Variants in VPS13C observed in about 807,000 individuals in gnomAD.
The protein encoded by VPS13C is intermembrane lipid transfer protein VPS13C.
In VPS13C, 358 loss-of-function variants were observed where a neutral mutation model predicts 456.8. The ratio of observed to expected loss-of-function variants is 0.78; its 90% CI spans 0.72 to 0.86. VPS13C has a LOEUF of 0.86. Among genes scored for constraint, VPS13C ranks in the 40% least tolerant of loss-of-function variants. The pLI is 0.00. For synonymous variants in VPS13C, 1,578 were observed against 1,486.7 expected (o/e 1.06, Z -1.41); for missense variants, 4,818 against 4,385.4 (o/e 1.10, Z -2.79).
At chr15:61,909,644 A>C (rs1439258466) in intron 64 of VPS13C, among the ~76,000 whole-genome samples, 1 of 152,226 alleles carries the variant, frequency 6.6e-6, no homozygotes, top group Non-Finnish European at 1.5e-5. Flanking sequence ...AAATATCTCA[A>C]AGCAAATTTT....
At chr15:62,048,789 C>T (rs1387847563) in intron 1 of VPS13C, among the ~76,000 whole-genome samples, 3,564 of 151,888 alleles carry the variant, frequency 0.023, 111 homozygotes, top group African/African-American at 0.074. Context: ...TTTTAATGAT[C>T]GCCATTCTAA....
Position 61,947,291 on chromosome 15 carries a change from T to C in VPS13C, c.4778A>G (p.Gln1593Arg), listed in dbSNP as rs148631131. 10 of 1,608,372 alleles carry C rather than the reference T, an allele frequency of 6.2e-6. No individual in the cohort carries two copies. The African/African-American group carries it at 6.7e-5, about 11-fold the overall frequency. ...GATCTTTAAATCAAACACATCCTTT[T>C]GGGAAATGTTGCTGGATACTAAAAA... Reference protein sequence around the residue: ...AVKAVSSNISQKDVFDLKITA... With the variant: ...AVKAVSSNISRKDVFDLKITA... Residue 1593 changes from glutamine to arginine, a missense_variant, in exon 43 of 85, where the codon CAA becomes CGA. Transcript: ENST00000644861.
At chr15:61,882,877 G>T in intron 68 of VPS13C, 141 bp from the exon 69 acceptor site, 1 of 815,514 alleles carries the variant, frequency 1.2e-6, no homozygotes, top group Non-Finnish European at 1.7e-6. Flanking sequence ...GTGATCTACA[G>T]TTGAGATCTC....
chr15:61,932,284 C>G (rs1285392535), intron 49 of VPS13C, among the ~76,000 whole-genome samples: 1 of 151,762 alleles, frequency 6.6e-6, no homozygotes, highest in African/African-American at 2.4e-5. Flanking sequence ...AGAAGACACT[C>G]CACATGAAGA....
intron 1 of VPS13C, among the ~76,000 whole-genome samples, chr15:62,053,589 G>A (rs2140794418): frequency 6.6e-6 from 1 of 152,320 alleles, no homozygotes; most frequent in East Asian, 1.9e-4. Context: ...TTCTTGCCTT[G>A]CTCAAATCAC....
chr15:61,897,923 C>T lies in VPS13C; in HGVS notation c.9106-7523G>A, dbSNP rs984240448. Among the ~76,000 whole-genome samples the T allele has an allele frequency of 2.0e-5, 3 of 152,070 alleles. No homozygotes were observed. In the East Asian group the frequency reaches 5.8e-4, roughly 29 times the overall value. ...GATCGCTCGGCAGAAACCATACAAG[C>T]CAGAAGAGAGTGGGGGCCAATATTC... On this transcript the variant is annotated intron_variant, in intron 66 of 84. Coordinates refer to ENST00000644861, the MANE Select transcript of VPS13C (RefSeq NM_020821.3).
Position 61,907,324 on chromosome 15 carries a change from A to G in VPS13C, c.9045T>C (p.Thr3015=). ...QARLFAWADP[T]GTRKLTWTYA... ...ATGTCCATGTAAGTTTTCTGGTACC[A>G]GTAGGATCTGCCCAGGCAAAAAGTC... Residue 3015 remains threonine (T), a synonymous_variant, in exon 66 of 85, where the codon ACT becomes ACC. Transcript: ENST00000644861. The G allele has an allele frequency of 4.3e-6, 7 of 1,614,052 alleles. No individual in the cohort carries two copies. Among genetic ancestry groups the G allele is most frequent in the Non-Finnish European group, 5.9e-6 (7 of 1,179,910 alleles).
At position 62,033,510 on chromosome 15, in the gene VPS13C, A is replaced by T. The variant is rs1290000637; in HGVS notation, c.316T>A (p.Ser106Thr). The change falls in exon 5 of 85, where the codon TCC (serine) becomes ACC (threonine). Residue 106 changes from serine to threonine, a missense_variant. Ser to Thr is a moderately conservative substitution (Grantham distance 58). Coordinates refer to ENST00000644861, the MANE Select transcript of VPS13C (RefSeq NM_020821.3). ...IKYDAVKEEK[S>T]LQDVKQKELS... ...TCTTTCTGTTTAACATCCTGCAAGG[A>T]TTTTTCTTCTTTTACAGCATCATAC... The T allele has an allele frequency of 6.2e-7, 1 of 1,606,728 alleles. No homozygotes were observed. Among genetic ancestry groups the T allele is most frequent in the Non-Finnish European group, 8.5e-7 (1 of 1,176,076 alleles).
intron 1 of VPS13C, among the ~76,000 whole-genome samples, chr15:62,057,718 G>A (rs1487821877): frequency 6.6e-6 from 1 of 152,058 alleles, no homozygotes; most frequent in African/African-American, 2.4e-5. Flanking sequence ...TGAGATGAAA[G>A]AAAGTCTCCT....
intron 50 of VPS13C, among the ~76,000 whole-genome samples, chr15:61,930,034 A>T (rs1047079601): frequency 1.3e-5 from 2 of 152,190 alleles, no homozygotes; most frequent in Non-Finnish European, 2.9e-5. Flanking sequence ...ATTATAATGC[A>T]ATACTAAAGA....
At chr15:62,041,110 T>C (rs902243842) in intron 3 of VPS13C, among the ~76,000 whole-genome samples, 8 of 152,190 alleles carry the variant, frequency 5.3e-5, no homozygotes, top group Admixed American at 5.2e-4. Flanking sequence ...GCAGTTCAAA[T>C]AGCCTTCCAT....
intron 5 of VPS13C, among the ~76,000 whole-genome samples, chr15:62,030,876 G>T (rs574661753): frequency 4.7e-4 from 72 of 152,212 alleles, no homozygotes; most frequent in Non-Finnish European, 7.9e-4. Context: ...GATGAAACAA[G>T]GGACTGCCAT....
Position 62,007,494 on chromosome 15 carries a change from T to G in VPS13C, c.1119-15A>C. The G allele has an allele frequency of 6.4e-7, 1 of 1,551,458 alleles. No individual in the cohort carries two copies. Among genetic ancestry groups the G allele is most frequent in the Non-Finnish European group, 8.7e-7 (1 of 1,150,948 alleles). On this transcript the variant is annotated splice_polypyrimidine_tract_variant and intron_variant, in intron 14 of 84. Transcript: ENST00000644861. Reference sequence around the variant, plus strand: ...CATATTTCCACCTGAAAATCAAATTTTGTTAACGTAAATGTTAATATAAAG... The same window carrying G: ...CATATTTCCACCTGAAAATCAAATTGTGTTAACGTAAATGTTAATATAAAG...
intron 69 of VPS13C, 43 bp downstream of exon 69, chr15:61,882,553 C>A (rs1156734006): frequency 1.4e-6 from 2 of 1,440,914 alleles, no homozygotes; most frequent in African/African-American, 1.5e-5. Context: ...TCCCAAGATT[C>A]CCAAAGTGAT....
intron 1 of VPS13C, among the ~76,000 whole-genome samples, chr15:62,055,443 G>C (rs1443924283): frequency 7.0e-6 from 1 of 143,684 alleles, no homozygotes; most frequent in African/African-American, 2.6e-5. Context: ...GGGTTTCACT[G>C]TGTTAGCCAG....
intron 48 of VPS13C, among the ~76,000 whole-genome samples, chr15:61,934,712 T>C (rs2044167577): frequency 6.6e-6 from 1 of 152,192 alleles, no homozygotes; most frequent in Admixed American, 6.5e-5. Flanking sequence ...ACAGATTTTC[T>C]GCTAGACTAA....
Position 61,940,325 on chromosome 15 carries a change from A to C in VPS13C, c.5601+322T>G, listed in dbSNP as rs2044376476. On this transcript the variant is annotated intron_variant, in intron 47 of 84. Transcript: ENST00000644861. ...TTTTTAGTACACTCCAACAGATTTT[A>C]TCTCAGACTCCTTGCTGGTTTTACC... is the stretch of plus-strand genomic sequence containing the variant. Among the ~76,000 whole-genome samples, 5 of 152,246 alleles carry C rather than the reference A, an allele frequency of 3.3e-5. 2 individuals carry two copies. The South Asian group carries it at 1.0e-3, about 31-fold the overall frequency.
At chr15:61,919,198 G>T in intron 58 of VPS13C, 91 bp downstream of exon 58, 1 of 1,265,118 alleles carries the variant, frequency 7.9e-7, no homozygotes, top group Non-Finnish European at 1.1e-6. Context: ...GAATTGACCT[G>T]ATGAAGTTTT....
At chr15:61,894,827 C>A (rs1338881227) in intron 66 of VPS13C, among the ~76,000 whole-genome samples, 1 of 152,126 alleles carries the variant, frequency 6.6e-6, no homozygotes, top group African/African-American at 2.4e-5. Flanking sequence ...ATAGAGAGAT[C>A]ATCCAGACAG....
Sources: allele counts gnomAD v4.1 joint callset (sites outside exome capture counted in the v4.1 genomes callset), GRCh38; gene constraint gnomAD v4.1.1; transcripts MANE v1.5; gene names NCBI Gene and HGNC (gene_info 2026-07-23, HGNC 2026-07-21).